Variants in CYRIA observed in about 807,000 individuals in gnomAD.
CYRIA encodes the protein CYFIP related Rac1 interactor A, also known as CYFIP-related Rac1 interactor A.
In CYRIA, 15 loss-of-function variants were observed where a neutral mutation model predicts 43.9. That is an observed-to-expected ratio of 0.34 (90% CI 0.23 to 0.53). The LOEUF is 0.53. CYRIA is among the 20% of genes least tolerant of loss of function. The probability of loss-of-function intolerance (pLI) is 0.94; values close to 1 mark genes in which losing one functional copy is unlikely to be tolerated. For synonymous variants in CYRIA, 117 were observed against 136.0 expected, an observed-to-expected ratio of 0.86 and a Z score of 0.97; for missense variants, 236 against 394.2, an observed-to-expected ratio of 0.60 and a Z score of 3.40.
intron 2 of CYRIA, among the ~76,000 whole-genome samples, chr2:16,608,675 AAG>A (rs1668490089): frequency 6.7e-6 from 1 of 148,642 alleles, no homozygotes; most frequent in African/African-American, 2.5e-5. Flanking sequence ...CTAAGTAAGT[AAG>A]ATAATGCAGG....
At chr2:16,609,765 A>C (rs1668528407) in intron 2 of CYRIA, among the ~76,000 whole-genome samples, 1 of 152,208 alleles carries the variant, frequency 6.6e-6, no homozygotes, top group Non-Finnish European at 1.5e-5. Context: ...CTCCCCTGTC[A>C]CTTCTCCTCC....
At chr2:16,557,640 G>A (rs748988254) in intron 10 of CYRIA, among the ~76,000 whole-genome samples, 2 of 152,094 alleles carry the variant, frequency 1.3e-5, no homozygotes, top group African/African-American at 2.4e-5. Flanking sequence ...CAAACCTTAC[G>A]TAGTGCTTTT....
chr2:16,558,755 A>G (rs1666618709), intron 10 of CYRIA, among the ~76,000 whole-genome samples: 1 of 152,140 alleles, frequency 6.6e-6, no homozygotes, highest in African/African-American at 2.4e-5. Context: ...GAGGCAATAG[A>G]GCAGACATGA....
At chr2:16,591,988 G>T (rs1439924044) in intron 2 of CYRIA, among the ~76,000 whole-genome samples, 4 of 151,956 alleles carry the variant, frequency 2.6e-5, no homozygotes, top group African/African-American at 9.7e-5. Flanking sequence ...TAGCTACACT[G>T]GTGCACATAG....
At chr2:16,586,648 C>CAA (rs5829556) in intron 3 of CYRIA, among the ~76,000 whole-genome samples, 2,521 of 144,724 alleles carry the variant, frequency 0.017, 76 homozygotes, top group South Asian at 0.089. Flanking sequence ...CCAAAGACAC[C>CAA]AAAAAAAAAA....
At chr2:16,653,540 T>C (rs1670026445) in intron 1 of CYRIA, among the ~76,000 whole-genome samples, 1 of 152,214 alleles carries the variant, frequency 6.6e-6, no homozygotes, top group East Asian at 1.9e-4. Context: ...TAACATGATA[T>C]ACATTTTACT....
At chr2:16,603,193 G>A (rs1668268617) in intron 2 of CYRIA, among the ~76,000 whole-genome samples, 1 of 152,128 alleles carries the variant, frequency 6.6e-6, no homozygotes, top group Non-Finnish European at 1.5e-5. Flanking sequence ...GCCTTGCCCT[G>A]CACATCCCAT....
intron 1 of CYRIA, among the ~76,000 whole-genome samples, chr2:16,642,872 C>T (rs1397813984): frequency 6.6e-6 from 1 of 152,112 alleles, no homozygotes; most frequent in East Asian, 1.9e-4. Flanking sequence ...TTTTCAACTG[C>T]AATGGCCTTC....
Position 16,554,356 on chromosome 2 carries a change from G to A in CYRIA, c.908+713C>T, listed in dbSNP as rs566670621. Among the ~76,000 whole-genome samples the A allele has an allele frequency of 3.3e-5, 5 of 152,192 alleles. No homozygotes were observed. The South Asian group carries it at 6.2e-4, about 19-fold the overall frequency. ...TGTGATTCAACCAATTCTTGTAGATGTGTCAGAGCTAAAAAAAGCATCCCC... is the reference window on the plus strand; with the variant it reads ...TGTGATTCAACCAATTCTTGTAGATATGTCAGAGCTAAAAAAAGCATCCCC... On this transcript the variant is annotated intron_variant, in intron 11 of 11. Transcript: ENST00000381323.
rs1373999129 is a variant in CYRIA at position 16,593,459 on chromosome 2, TGTA to T, written c.-10-5333_-10-5331del. Among the ~76,000 whole-genome samples, 7 of 152,210 alleles carry T rather than the reference TGTA, an allele frequency of 4.6e-5. No homozygotes were observed. The East Asian group carries it at 1.4e-3, about 29-fold the overall frequency. ...AAAACTAAGAATTATTAAAATTCAG[TGTA>T]GAAGCTGATTAAAAAATATAAATTA... On this transcript the variant is annotated intron_variant, in intron 2 of 11. Transcript: ENST00000381323.
At position 16,561,986 on chromosome 2, in the gene CYRIA, A is replaced by C; in HGVS notation, c.435+19T>G. On this transcript the variant is annotated intron_variant, in intron 6 of 11. Coordinates refer to ENST00000381323, the MANE Select transcript of CYRIA (RefSeq NM_030797.4). The stretch of plus-strand genomic sequence containing the variant: ...CTCAGTACAAGTTTATTAAATTTTC[A>C]CAGCACATTTGGCCTAACCTTCAGC... 1 of 1,605,238 alleles carries C rather than the reference A, an allele frequency of 6.2e-7. No homozygotes were observed. Among genetic ancestry groups the C allele is most frequent in the Non-Finnish European group, 8.5e-7 (1 of 1,176,028 alleles).
intron 2 of CYRIA, among the ~76,000 whole-genome samples, chr2:16,617,476 G>A (rs1013542771): frequency 6.6e-6 from 1 of 152,230 alleles, no homozygotes; most frequent in Non-Finnish European, 1.5e-5. Context: ...ACCCAAAGCA[G>A]GAACAAAGAC....
chr2:16,581,444 T>C (rs1292450639), intron 3 of CYRIA, among the ~76,000 whole-genome samples: 1 of 152,092 alleles, frequency 6.6e-6, no homozygotes, highest in Non-Finnish European at 1.5e-5. Context: ...TGACTGACAA[T>C]ACCAAATGTT....
Position 16,571,558 on chromosome 2 carries a change from G to A in CYRIA, c.71-5791C>T, listed in dbSNP as rs570139059. ...CATATACACATTTTCCTAACAACCC[G>A]TTTAGGACTGTATGGACAATTTGAC... On this transcript the variant is annotated intron_variant, in intron 3 of 11. Transcript: ENST00000381323. Among the ~76,000 whole-genome samples the A allele has an allele frequency of 1.1e-4, 17 of 152,292 alleles. 1 individual carries two copies. In the South Asian group the frequency reaches 1.9e-3, roughly 17 times the overall value.
intron 2 of CYRIA, among the ~76,000 whole-genome samples, chr2:16,607,735 T>C (rs951775578): frequency 2.0e-5 from 3 of 152,116 alleles, no homozygotes; most frequent in Admixed American, 2.0e-4. Context: ...CAGGTGGGAT[T>C]ACAGGTGTGT....
At chr2:16,659,592 C>G (rs889160140) in intron 1 of CYRIA, among the ~76,000 whole-genome samples, 1 of 152,184 alleles carries the variant, frequency 6.6e-6, no homozygotes, top group Non-Finnish European at 1.5e-5. Flanking sequence ...TCCACTTGCT[C>G]TTGCCCCAAC....
rs1278650264 is a variant in CYRIA, at chr2:16,552,352, T to C, written c.*584A>G. 1 of 152,090 alleles carries C rather than the reference T, an allele frequency of 6.6e-6. No homozygotes were observed. Among genetic ancestry groups the C allele is most frequent in the Non-Finnish European group, 1.5e-5 (1 of 68,048 alleles). 9.4% of individuals were successfully genotyped at this position (152,090 alleles called of 1,614,324 possible). ...ATTAAAGGAGAACATTAGAGGGATA[T>C]AAATCCAAACAGAAAAGGAGTATGC... On this transcript the variant is annotated 3_prime_UTR_variant, in exon 12 of 12. Transcript: ENST00000381323.
chr2:16,637,068 T>C (rs1669519730), intron 1 of CYRIA, among the ~76,000 whole-genome samples: 1 of 152,164 alleles, frequency 6.6e-6, no homozygotes, highest in Non-Finnish European at 1.5e-5. Flanking sequence ...TCATCACTCC[T>C]CTGTCATTCA....
At chr2:16,642,285 C>T (rs936296289) in intron 1 of CYRIA, among the ~76,000 whole-genome samples, 1 of 152,190 alleles carries the variant, frequency 6.6e-6, no homozygotes, top group African/African-American at 2.4e-5. Context: ...CTCTTTCCTC[C>T]CAATCCTGCT....
Sources: allele counts gnomAD v4.1 joint callset (sites outside exome capture counted in the v4.1 genomes callset), GRCh38; gene constraint gnomAD v4.1.1; transcripts MANE v1.5; gene names NCBI Gene and HGNC (gene_info 2026-07-23, HGNC 2026-07-21).